The following ITPR1 variants were observed in gnomAD, a reference collection of about 807,000 sequenced individuals.
ITPR1 encodes the protein inositol 1,4,5-trisphosphate-gated calcium channel ITPR1.
In ITPR1, 96 loss-of-function variants were observed where a neutral mutation model predicts 318.4. The observed-to-expected ratio is 0.30, with a 90% CI of 0.26 to 0.36. ITPR1 has a LOEUF of 0.36. Ranked by LOEUF, ITPR1 falls within the 10% of genes least tolerant of loss-of-function variation. ITPR1 has a pLI of 1.00. For synonymous variants in ITPR1, 1,312 were observed against 1,289.9 expected, an observed-to-expected ratio of 1.02 and a Z score of -0.37; for missense variants, 2,440 against 3,460.2, an observed-to-expected ratio of 0.71 and a Z score of 7.40.
intron 55 of ITPR1, 126 bp downstream of exon 55, chr3:4,806,393 T>G (rs1483804426): frequency 1.8e-5 from 17 of 947,836 alleles, no homozygotes; most frequent in Non-Finnish European, 2.7e-5. Context: ...AGATTGAAGC[T>G]CCACAGTTGG....
rs1428462747 is a variant in ITPR1 at position 4,711,876 on chromosome 3, A to C, written c.5103+8A>C. 1 of 1,398,252 alleles carries C rather than the reference A, an allele frequency of 7.2e-7. No individual in the cohort carries two copies. The highest frequency in any genetic ancestry group is 1.4e-5 in the South Asian group (1 of 73,820). The allele number at this position is 1,398,252 out of a possible 1,614,324, so 86.6% of individuals were successfully genotyped here. A position where few individuals can be genotyped will look rare whatever the true frequency, so the allele number is the denominator to read the frequency against. The stretch of plus-strand genomic sequence containing the variant: ...AGAGGCTATGGAGAAAAGGTACTGC[A>C]TTTTATTTTCATGGTCAAACCAGGT... On this transcript the variant is annotated splice_region_variant and intron_variant, in intron 39 of 61. Coordinates refer to ENST00000649015, the MANE Select transcript of ITPR1 (RefSeq NM_001378452.1).
chr3:4,609,735 A>T (rs948396472), intron 4 of ITPR1, among the ~76,000 whole-genome samples: 6 of 150,842 alleles, frequency 4.0e-5, no homozygotes, highest in African/African-American at 1.5e-4. Flanking sequence ...TGGAAATGCT[A>T]GAATAGAGAG....
intron 42 of ITPR1, among the ~76,000 whole-genome samples, chr3:4,729,438 A>G (rs1346473394): frequency 6.6e-6 from 1 of 152,250 alleles, no homozygotes; most frequent in Non-Finnish European, 1.5e-5. Context: ...CGCTACCCTC[A>G]TGCCGACTAA....
At chr3:4,529,594 C>T (rs1027495726) in intron 4 of ITPR1, among the ~76,000 whole-genome samples, 1 of 152,156 alleles carries the variant, frequency 6.6e-6, no homozygotes, top group Non-Finnish European at 1.5e-5. Context: ...TAGAAAGTCT[C>T]CTGGGGTCAA....
intron 4 of ITPR1, among the ~76,000 whole-genome samples, chr3:4,585,121 G>A (rs950672807): frequency 6.6e-6 from 1 of 152,140 alleles, no homozygotes; most frequent in African/African-American, 2.4e-5. Context: ...TTGATACTCA[G>A]TTCAGTCCTA....
chr3:4,630,302 A>G (rs924974625), intron 5 of ITPR1, among the ~76,000 whole-genome samples: 12 of 152,064 alleles, frequency 7.9e-5, no homozygotes, highest in Non-Finnish European at 1.3e-4. Flanking sequence ...GTGGTTTTCT[A>G]AAAGGGCTTC....
intron 4 of ITPR1, among the ~76,000 whole-genome samples, chr3:4,560,289 G>A (rs1046827120): frequency 1.3e-5 from 2 of 152,096 alleles, no homozygotes; most frequent in African/African-American, 4.8e-5. Flanking sequence ...AAAAAGCAAA[G>A]GCACTTCCCC....
intron 4 of ITPR1, among the ~76,000 whole-genome samples, chr3:4,551,582 A>C (rs1443787404): frequency 6.6e-6 from 1 of 152,214 alleles, no homozygotes; most frequent in Non-Finnish European, 1.5e-5. Context: ...CTCATGAATC[A>C]AGGTCACAAC....
chr3:4,712,771 A>G (rs187423666), intron 39 of ITPR1, among the ~76,000 whole-genome samples: 1 of 152,366 alleles, frequency 6.6e-6, no homozygotes, highest in East Asian at 1.9e-4. Flanking sequence ...TTAATATTAG[A>G]GCAATGTTAC....
chr3:4,511,048 T>A (rs1201858252), intron 2 of ITPR1, among the ~76,000 whole-genome samples: 1 of 151,848 alleles, frequency 6.6e-6, no homozygotes, highest in Non-Finnish European at 1.5e-5. Flanking sequence ...TTTGGTACAT[T>A]GAGATGCCGT....
In ITPR1 at chr3:4,836,910, G is replaced by A; in HGVS notation, c.8165G>A (p.Gly2722Asp). 1 of 1,591,654 alleles carries A rather than the reference G, an allele frequency of 6.3e-7. No individual in the cohort carries two copies. Among genetic ancestry groups the A allele is most frequent in the South Asian group, 1.1e-5 (1 of 88,578 alleles). ...ATGAAACTTGTCACGAACCTTTCTG[G>A]CCAGCTGTCGGAATTAAAGGATCAG... ...STMKLVTNLSGQLSELKDQMT... is the reference protein window; with the variant it reads ...STMKLVTNLSDQLSELKDQMT... Residue 2722 changes from glycine to aspartate, a missense_variant, in exon 61 of 62, where the codon GGC (glycine) becomes GAC (aspartate). By Grantham distance (94) the Gly-to-Asp change is moderately conservative (BLOSUM62 -1). Coordinates refer to ENST00000649015, the MANE Select transcript of ITPR1 (RefSeq NM_001378452.1).
chr3:4,690,994 T>C, intron 31 of ITPR1, 150 bp from the exon 32 acceptor site: 1 of 506,484 alleles, frequency 2.0e-6, no homozygotes, highest in South Asian at 4.9e-5. Flanking sequence ...AAGAAGGTAG[T>C]ACAGAAGCAA....
intron 4 of ITPR1, among the ~76,000 whole-genome samples, chr3:4,624,281 G>A (rs2092743117): frequency 6.6e-6 from 1 of 152,188 alleles, no homozygotes; most frequent in African/African-American, 2.4e-5. Context: ...TGTGTCAAAT[G>A]TTAATGCCAG....
chr3:4,793,790 G>A (rs1035263095), intron 52 of ITPR1, among the ~76,000 whole-genome samples: 1 of 152,144 alleles, frequency 6.6e-6, no homozygotes, highest in African/African-American at 2.4e-5. Flanking sequence ...TACAATGAGG[G>A]ATTTTAAACT....
intron 4 of ITPR1, among the ~76,000 whole-genome samples, chr3:4,607,659 C>G (rs2091795643): frequency 6.6e-6 from 1 of 151,948 alleles, no homozygotes; most frequent in African/African-American, 2.4e-5. Context: ...GGGTGGCAGG[C>G]AATGGGTGCT....
At chr3:4,580,294 A>T (rs1278860894) in intron 4 of ITPR1, among the ~76,000 whole-genome samples, 1 of 152,202 alleles carries the variant, frequency 6.6e-6, no homozygotes, top group Non-Finnish European at 1.5e-5. Context: ...AACATTAAGT[A>T]TTCAGGAGTG....
Position 4,710,245 on chromosome 3 carries a change from T to C in ITPR1, c.4843-80T>C. 1 of 1,353,308 alleles carries C rather than the reference T, an allele frequency of 7.4e-7. No individual in the cohort carries two copies. 83.8% of individuals were successfully genotyped at this position (1,353,308 alleles called of 1,614,324 possible). A position where few individuals can be genotyped will look rare whatever the true frequency, so the allele number is the denominator to read the frequency against. On this transcript the variant is annotated intron_variant, in intron 37 of 61. Transcript: ENST00000649015. The surrounding 1 kb of genome is among the most constrained non-coding windows in gnomAD (Gnocchi z 4.2). ...CTAGCCTACCCGTGCATCAGTGTTT[T>C]AGGGCAGAAATCAATGTCCTCACCC...
intron 17 of ITPR1, 106 bp from the exon 18 acceptor site, chr3:4,667,270 TA>T: frequency 5.0e-6 from 4 of 806,962 alleles, no homozygotes. Context: ...TAATGTCTCT[TA>T]GGGGCAGTAG....
intron 59 of ITPR1, among the ~76,000 whole-genome samples, chr3:4,817,219 C>T (rs1052869824): frequency 4.6e-5 from 7 of 152,256 alleles, no homozygotes; most frequent in East Asian, 1.9e-4. Context: ...CAAAGAGCCC[C>T]GGTTCTTTTT....
Sources: allele counts gnomAD v4.1 joint callset (sites outside exome capture counted in the v4.1 genomes callset), GRCh38; gene constraint gnomAD v4.1.1; non-coding constraint Gnocchi (gnomAD v3.1); transcripts MANE v1.5; gene names NCBI Gene and HGNC (gene_info 2026-07-23, HGNC 2026-07-21).